Variants in TFAP2B observed in about 807,000 individuals in gnomAD.
The protein encoded by TFAP2B is transcription factor AP-2-beta.
A neutral mutation model predicts 44.3 loss-of-function variants in TFAP2B; 9 were observed. The ratio of observed to expected loss-of-function variants is 0.20; its 90% CI spans 0.12 to 0.35. The LOEUF is 0.35. TFAP2B is among the 10% of genes least tolerant of loss of function. The pLI is 1.00. For synonymous variants in TFAP2B, 270 were observed against 263.8 expected (o/e 1.02, Z -0.23); for missense variants, 509 against 600.0 (o/e 0.85, Z 1.59).
chr6:50,821,957 A>T, intron 1 of TFAP2B: 1 of 315,904 alleles, frequency 3.2e-6, no homozygotes, highest in South Asian at 2.3e-5. Flanking sequence ...TGTGACAGGC[A>T]TCGCCAATCT....
chr6:50,829,056 G>A (rs1427034772), intron 3 of TFAP2B, among the ~76,000 whole-genome samples: 1 of 152,312 alleles, frequency 6.6e-6, no homozygotes, highest in South Asian at 2.1e-4. Flanking sequence ...CTGAGTTAAA[G>A]CTTATGTTAT....
rs778263745 is a variant in TFAP2B at position 50,823,717 on chromosome 6, A to C, written c.392A>C (p.Gln131Pro). Residue 131 changes from glutamine (Q) to proline (P), a missense_variant, in exon 2 of 7, where the codon CAG becomes CCG. This residue lies in a region of TFAP2B where 296 missense variants were observed against 308.2 expected (regional missense o/e 0.96). Transcript: ENST00000393655. ...LLPQPRAALP[Q>P]LSGLDPRRDY... ...CCCCAGCCTCGGGCCGCCTTGCCCCAGCTCTCGGGCCTTGACCCCCGGAGG... is the reference window on the plus strand; with the variant it reads ...CCCCAGCCTCGGGCCGCCTTGCCCCCGCTCTCGGGCCTTGACCCCCGGAGG... 6.2e-7 allele frequency: 1 copy of C among 1,612,918 alleles called. No individual in the cohort carries two copies. The highest frequency in any genetic ancestry group is 2.2e-5 in the East Asian group (1 of 44,824).
Position 50,846,931 on chromosome 6 carries a change from C to T in TFAP2B, c.*3539C>T, listed in dbSNP as rs1234392080. The T allele has an allele frequency of 6.6e-6, 1 of 152,616 alleles. No homozygotes were observed. Among genetic ancestry groups the T allele is most frequent in the Admixed American group, 6.5e-5 (1 of 15,270 alleles). The allele number at this position is 152,616 out of a possible 1,614,324, so 9.5% of individuals were successfully genotyped here. A position where few individuals can be genotyped will look rare whatever the true frequency, so the allele number is the denominator to read the frequency against. On this transcript the variant is annotated 3_prime_UTR_variant, in exon 7 of 7. Transcript: ENST00000393655. ...TCCTTGGCCAAGGAAGCCACTTTCT[C>T]TCAAGCAATTATTTCATATCCTACG...
At chr6:50,832,717 G>T (rs1232933581) in intron 3 of TFAP2B, among the ~76,000 whole-genome samples, 1 of 151,504 alleles carries the variant, frequency 6.6e-6, no homozygotes, top group Admixed American at 6.6e-5. Context: ...CTCACCAGCA[G>T]ATAGAATCAA....
At chr6:50,828,596 T>C (rs1320837821) in intron 2 of TFAP2B, 23 bp from the exon 3 acceptor site, 2 of 1,597,584 alleles carry the variant, frequency 1.3e-6, no homozygotes, top group Non-Finnish European at 1.7e-6. Context: ...TCAATTTGAA[T>C]AGTGATGTTT....
At chr6:50,819,583 A>G (rs1380632338) in intron 1 of TFAP2B, among the ~76,000 whole-genome samples, 1 of 152,226 alleles carries the variant, frequency 6.6e-6, no homozygotes, top group Non-Finnish European at 1.5e-5. Context: ...GCGTCCGAAC[A>G]GAAATCGCAG....
chr6:50,830,345 C>A (rs1401197419), intron 3 of TFAP2B: 6 of 977,844 alleles, frequency 6.1e-6, no homozygotes, highest in Non-Finnish European at 7.3e-6. Flanking sequence ...CAAAACAGAG[C>A]TGAAGATTTT....
intron 1 of TFAP2B, chr6:50,821,738 T>A (rs2076309): frequency 5.8e-6 from 1 of 170,980 alleles, no homozygotes; most frequent in African/African-American, 2.4e-5. Context: ...ATTTGTCCTC[T>A]ATTCTCCCTT....
At chr6:50,830,499 A>C (rs1770643887) in intron 3 of TFAP2B, among the ~76,000 whole-genome samples, 2 of 152,224 alleles carry the variant, frequency 1.3e-5, no homozygotes, top group African/African-American at 2.4e-5. Flanking sequence ...ACAGAAGAGT[A>C]CATTTTATGT....
intron 3 of TFAP2B, among the ~76,000 whole-genome samples, chr6:50,834,615 G>T (rs1208288344): frequency 1.3e-5 from 2 of 152,192 alleles, no homozygotes; most frequent in Non-Finnish European, 2.9e-5. Flanking sequence ...AGAATAAACT[G>T]TTAGAGAAAT....
intron 6 of TFAP2B, among the ~76,000 whole-genome samples, chr6:50,842,824 T>C (rs571505219): frequency 6.6e-5 from 10 of 152,034 alleles, no homozygotes; most frequent in Middle Eastern, 3.4e-3. Context: ...GTCCAGGCGG[T>C]CCTGGAATGG....
chr6:50,830,414 T>TA, intron 3 of TFAP2B: 1 of 510,668 alleles, frequency 2.0e-6, no homozygotes, highest in Non-Finnish European at 2.5e-6. Context: ...GAAATGTGAA[T>TA]ATTTATGTGC....
intron 6 of TFAP2B, 37 bp from the exon 7 acceptor site, chr6:50,843,055 G>A (rs1209870590): frequency 1.2e-6 from 2 of 1,613,598 alleles, no homozygotes; most frequent in East Asian, 2.2e-5. Context: ...CAACGACACT[G>A]AGGGTGATTT....
At position 50,846,259 on chromosome 6, in the gene TFAP2B, A is replaced by G. The variant is rs958630739; in HGVS notation, c.*2867A>G. 5 of 150,482 alleles carry G rather than the reference A, an allele frequency of 3.3e-5. No individual in the cohort carries two copies. Among genetic ancestry groups the G allele is most frequent in the Non-Finnish European group, 7.4e-5 (5 of 67,618 alleles). The allele number at this position is 150,482 out of a possible 1,614,324, so 9.3% of individuals were successfully genotyped here. A position where few individuals can be genotyped will look rare whatever the true frequency, so the allele number is the denominator to read the frequency against. The stretch of plus-strand genomic sequence containing the variant: ...TTCTCCCTCCCTCACTTCTCCTTTC[A>G]TGTAGGACCCCCGCCCCCTTGCTTT... On this transcript the variant is annotated 3_prime_UTR_variant, in exon 7 of 7. Transcript: ENST00000393655.
intron 4 of TFAP2B, among the ~76,000 whole-genome samples, chr6:50,837,143 A>T (rs1762639504): frequency 6.6e-6 from 1 of 152,218 alleles, no homozygotes; most frequent in African/African-American, 2.4e-5. Flanking sequence ...TGACTGTATG[A>T]ATAGTACAGC....
At position 50,836,413 on chromosome 6, in the gene TFAP2B, G is replaced by A. The variant is rs542650166; in HGVS notation, c.821+133G>A. The A allele has an allele frequency of 3.9e-4, 332 of 844,374 alleles. 1 individual carries two copies. Among genetic ancestry groups the A allele is most frequent in the Admixed American group, 6.6e-4 (32 of 48,588 alleles). The allele number at this position is 844,374 out of a possible 1,614,324, so 52.3% of individuals were successfully genotyped here. On this transcript the variant is annotated intron_variant, in intron 4 of 6. Transcript: ENST00000393655. ...AGTCTGACGCAGTTGCCTAGCAACC[G>A]GGTGGCCGGAGCATTGCTTTCGCGC...
intron 2 of TFAP2B, among the ~76,000 whole-genome samples, chr6:50,826,746 C>A (rs1770519739): frequency 6.6e-6 from 1 of 152,030 alleles, no homozygotes; most frequent in Non-Finnish European, 1.5e-5. Context: ...GCTCTCTTAC[C>A]TCCCATCACC....
rs536690291 is a variant in TFAP2B, at chr6:50,844,050, A to G, written c.*658A>G. The G allele has an allele frequency of 2.0e-5, 3 of 152,188 alleles. No homozygotes were observed. Among genetic ancestry groups the G allele is most frequent in the African/African-American group, 4.8e-5 (2 of 41,484 alleles). The allele number at this position is 152,188 out of a possible 1,614,324, so 9.4% of individuals were successfully genotyped here. On this transcript the variant is annotated 3_prime_UTR_variant, in exon 7 of 7. Coordinates refer to ENST00000393655, the MANE Select transcript of TFAP2B (RefSeq NM_003221.4). ...CGGGCCCGGCTCCCCGGCCGCTTGC[A>G]TAATTAGGGAGGGCGAGGGCGGGGC...
In TFAP2B at chr6:50,836,316, A is replaced by C. The variant is rs111773620; in HGVS notation, c.821+36A>C. The C allele has an allele frequency of 1.7e-4, 268 of 1,542,998 alleles. 4 individuals are homozygous for C. The Middle Eastern group carries it at 2.5e-3, about 15-fold the overall frequency. On this transcript the variant is annotated intron_variant, in intron 4 of 6. Transcript: ENST00000393655. ...CACGAAAAACAAAAACAAAAACAAAAAAACAAACAAAAACCCACCAGTTTT... is the reference window on the plus strand; with the variant it reads ...CACGAAAAACAAAAACAAAAACAAACAAACAAACAAAAACCCACCAGTTTT...
Sources: allele counts gnomAD v4.1 joint callset (sites outside exome capture counted in the v4.1 genomes callset), GRCh38; gene constraint gnomAD v4.1.1; regional missense constraint gnomAD v4.1.1; transcripts MANE v1.5; gene names NCBI Gene and HGNC (gene_info 2026-07-23, HGNC 2026-07-21).